SUPT3H: variants seen among roughly 807,000 people sequenced by gnomAD.
The protein encoded by SUPT3H is SPT3 homolog, SAGA and STAGA complex component.
SUPT3H carries 44 observed loss-of-function variants against 44.3 expected under a neutral mutation model. The ratio of observed to expected loss-of-function variants is 0.99; its 90% CI spans 0.78 to 1.28. SUPT3H has a LOEUF of 1.28. Ranked by LOEUF, SUPT3H falls within the 50% of genes most tolerant of loss-of-function variation. The pLI is 0.00. For synonymous variants in SUPT3H, 124 were observed against 125.6 expected, an observed-to-expected ratio of 0.99 and a Z score of 0.09; for missense variants, 380 against 387.1, an observed-to-expected ratio of 0.98 and a Z score of 0.15.
chr6:45,284,277 A>T (rs983761188), intron 2 of SUPT3H, among the ~76,000 whole-genome samples: 4 of 151,996 alleles, frequency 2.6e-5, no homozygotes, highest in South Asian at 2.1e-4. Flanking sequence ...AACACAAAAA[A>T]CCCTTCAGAA....
At chr6:45,176,125 G>T (rs561623604) in intron 2 of SUPT3H, among the ~76,000 whole-genome samples, 8 of 152,148 alleles carry the variant, frequency 5.3e-5, no homozygotes, top group South Asian at 2.1e-4. Context: ...CGTGAGCGAC[G>T]CAGAAGACGG....
At chr6:44,993,127 C>T (rs946814390) in intron 6 of SUPT3H, among the ~76,000 whole-genome samples, 1 of 152,094 alleles carries the variant, frequency 6.6e-6, no homozygotes, top group Admixed American at 6.6e-5. Flanking sequence ...TGGGCCATGG[C>T]ATTTCAGCCT....
intron 3 of SUPT3H, among the ~76,000 whole-genome samples, chr6:45,075,211 C>A (rs1490667414): frequency 6.6e-6 from 1 of 152,018 alleles, no homozygotes; most frequent in South Asian, 2.1e-4. Flanking sequence ...ATTCGTTTGC[C>A]ATCAGTTACT....
chr6:44,859,267 A>T (rs1334563486), intron 10 of SUPT3H, among the ~76,000 whole-genome samples: 1 of 152,208 alleles, frequency 6.6e-6, no homozygotes, highest in African/African-American at 2.4e-5. Flanking sequence ...AAAGCTATGT[A>T]AGGCAAATGC....
At chr6:44,850,925 G>A (rs904771363) in intron 10 of SUPT3H, among the ~76,000 whole-genome samples, 3 of 152,120 alleles carry the variant, frequency 2.0e-5, no homozygotes, top group East Asian at 3.8e-4. Context: ...TTCTGATAAA[G>A]CTTCTGGTTT....
chr6:45,247,928 G>C (rs1006975172), intron 2 of SUPT3H, among the ~76,000 whole-genome samples: 6 of 152,064 alleles, frequency 3.9e-5, no homozygotes, highest in Non-Finnish European at 7.4e-5. Context: ...AAGAAATATA[G>C]TCAATTGACT....
intron 10 of SUPT3H, among the ~76,000 whole-genome samples, chr6:44,930,564 C>CAAA (rs3857588): frequency 1.5e-5 from 1 of 65,100 alleles, no homozygotes; most frequent in Non-Finnish European, 2.8e-5. Flanking sequence ...GACTCCGTCT[C>CAAA]AAAAAAAAAA....
At chr6:45,111,591 A>G (rs1156354234) in intron 2 of SUPT3H, among the ~76,000 whole-genome samples, 1 of 151,292 alleles carries the variant, frequency 6.6e-6, no homozygotes, top group African/African-American at 2.4e-5. Flanking sequence ...TGAATTAACA[A>G]TAAATAAAAC....
chr6:45,022,512 G>A (rs866360198), intron 3 of SUPT3H, among the ~76,000 whole-genome samples: 1 of 151,024 alleles, frequency 6.6e-6, no homozygotes, highest in African/African-American at 2.4e-5. Flanking sequence ...AGTAGGAAAA[G>A]TTTATCTTTG....
chr6:45,133,382 G>T (rs749891776), intron 2 of SUPT3H, among the ~76,000 whole-genome samples: 1 of 152,162 alleles, frequency 6.6e-6, no homozygotes, highest in Non-Finnish European at 1.5e-5. Context: ...ATGTGGGAGA[G>T]AATAGCCAAG....
intron 2 of SUPT3H, among the ~76,000 whole-genome samples, chr6:45,158,292 A>ATTT (rs1562573016): frequency 1.5e-4 from 5 of 32,372 alleles, no homozygotes; most frequent in Middle Eastern, 0.01. Flanking sequence ...ATATATATAT[A>ATTT]TATATATTTT....
chr6:45,108,278 C>T (rs570285697), intron 2 of SUPT3H, among the ~76,000 whole-genome samples: 1 of 152,306 alleles, frequency 6.6e-6, no homozygotes, highest in South Asian at 2.1e-4. Flanking sequence ...GAGTTTGAGA[C>T]CAGCCTGGGC....
intron 10 of SUPT3H, among the ~76,000 whole-genome samples, chr6:44,910,337 T>C (rs1309273247): frequency 1.3e-5 from 2 of 152,224 alleles, no homozygotes; most frequent in African/African-American, 4.8e-5. Flanking sequence ...CTCTACTGCG[T>C]ATCTTGCTGG....
chr6:45,103,391 A>C (rs1798855139), intron 3 of SUPT3H, among the ~76,000 whole-genome samples: 1 of 152,216 alleles, frequency 6.6e-6, no homozygotes, highest in Non-Finnish European at 1.5e-5. Context: ...TGTAGCAGTC[A>C]TCAAATAATG....
intron 2 of SUPT3H, among the ~76,000 whole-genome samples, chr6:45,185,510 A>G (rs1310080922): frequency 6.6e-6 from 1 of 152,214 alleles, no homozygotes; most frequent in African/African-American, 2.4e-5. Context: ...ACTATCTCAC[A>G]AGCCCAGTCC....
chr6:45,167,451 A>C (rs1370343954), intron 2 of SUPT3H, among the ~76,000 whole-genome samples: 1 of 152,218 alleles, frequency 6.6e-6, no homozygotes, highest in African/African-American at 2.4e-5. Context: ...AGATGAAGTC[A>C]TATTAAGAAA....
intron 3 of SUPT3H, among the ~76,000 whole-genome samples, chr6:45,062,801 G>C (rs992692213): frequency 6.6e-5 from 10 of 152,084 alleles, no homozygotes; most frequent in African/African-American, 2.4e-4. Flanking sequence ...ACCTGGCTTG[G>C]AGGGTCCTAC....
intron 11 of SUPT3H, among the ~76,000 whole-genome samples, chr6:44,816,905 C>A (rs4714826): frequency 0.25 from 25,553 of 103,162 alleles, 2,541 homozygotes; most frequent in Admixed American, 0.36. Flanking sequence ...AAAACAACAA[C>A]AAAAAAAATG....
chr6:45,262,048 C>A (rs572589036), intron 2 of SUPT3H, among the ~76,000 whole-genome samples: 1 of 152,162 alleles, frequency 6.6e-6, no homozygotes, highest in African/African-American at 2.4e-5. Flanking sequence ...ACAAGAATTA[C>A]AAAACACTGC....
Sources: gnomAD v4.1 joint callset for allele counts (sites outside exome capture counted in the v4.1 genomes callset) on GRCh38, gnomAD v4.1.1 for gene constraint, MANE v1.5 for transcripts, NCBI Gene and HGNC (gene_info 2026-07-23, HGNC 2026-07-21) for gene names.